CUBN: variants seen among roughly 807,000 people sequenced by gnomAD.
CUBN encodes the protein cubilin.
A neutral mutation model predicts 405.3 loss-of-function variants in CUBN; 282 were observed. That is an observed-to-expected ratio of 0.70 (90% confidence interval 0.63 to 0.77). The LOEUF is 0.77. CUBN is among the 30% of genes least tolerant of loss of function. The pLI is 0.00. For missense variants in CUBN, 4,514 were observed against 4,475.2 expected (o/e 1.01, Z -0.25); for synonymous variants, 1,684 against 1,617.0 (o/e 1.04, Z -0.99).
intron 60 of CUBN, 149 bp from the exon 61 acceptor site, chr10:16,841,196 A>G (rs1478097712): frequency 1.5e-6 from 1 of 685,600 alleles, no homozygotes; most frequent in Non-Finnish European, 2.5e-6. Context: ...ACAGAATTAT[A>G]ATTGGATTGA....
intron 27 of CUBN, among the ~76,000 whole-genome samples, chr10:17,039,111 G>C (rs1169666403): frequency 1.3e-5 from 2 of 152,064 alleles, no homozygotes; most frequent in African/African-American, 4.8e-5. Flanking sequence ...CTCCTTTAAA[G>C]CCCAATTCAA....
chr10:17,014,110 G>A (rs1038436970), intron 28 of CUBN, among the ~76,000 whole-genome samples: 2 of 152,114 alleles, frequency 1.3e-5, no homozygotes, highest in Non-Finnish European at 2.9e-5. Flanking sequence ...CACCTAGTAT[G>A]CCATTTACAT....
chr10:16,954,639 G>T, intron 31 of CUBN, 91 bp from the exon 32 acceptor site: 1 of 1,350,376 alleles, frequency 7.4e-7, no homozygotes. Context: ...ATATACTAGT[G>T]GATAATCACA....
chr10:16,940,441 A>G (rs1185975294), intron 36 of CUBN, among the ~76,000 whole-genome samples: 1 of 152,222 alleles, frequency 6.6e-6, no homozygotes, highest in Non-Finnish European at 1.5e-5. Context: ...CGACGAATAC[A>G]CTTCCATCAA....
Position 16,904,126 on chromosome 10 carries a change from T to A in CUBN, c.7913-11A>T, listed in dbSNP as rs7088988. On this transcript the variant is annotated splice_polypyrimidine_tract_variant and intron_variant, in intron 50 of 66. Coordinates refer to ENST00000377833, the MANE Select transcript of CUBN (RefSeq NM_001081.4). ...GCCCATCAGCATCACCTGAACAAAA[T>A]AATATACCAAGTGCCATCATTGATA... 2.5e-6 allele frequency: 4 copies of A among 1,613,184 alleles called. No homozygotes were observed. The East Asian group carries it at 8.9e-5, about 36-fold the overall frequency.
chr10:17,025,202 TCTA>T (rs1261127829), intron 27 of CUBN, among the ~76,000 whole-genome samples: 2 of 152,154 alleles, frequency 1.3e-5, no homozygotes, highest in Non-Finnish European at 2.9e-5. Flanking sequence ...GAATAAAAAT[TCTA>T]CTCAATGAAA....
At chr10:17,029,837 A>G (rs943833079) in intron 27 of CUBN, among the ~76,000 whole-genome samples, 1 of 152,234 alleles carries the variant, frequency 6.6e-6, no homozygotes, top group African/African-American at 2.4e-5. Flanking sequence ...CTACAATCCC[A>G]GTGGCTTTTG....
intron 65 of CUBN, among the ~76,000 whole-genome samples, 178 bp downstream of exon 65, chr10:16,831,074 G>A (rs1324377668): frequency 6.6e-6 from 1 of 151,150 alleles, no homozygotes; most frequent in African/African-American, 2.4e-5. Context: ...ATGACACAGC[G>A]AGATTCCATT....
At chr10:16,993,681 T>C (rs943899583) in intron 28 of CUBN, among the ~76,000 whole-genome samples, 4 of 151,656 alleles carry the variant, frequency 2.6e-5, no homozygotes, top group African/African-American at 7.3e-5. Flanking sequence ...TTTTTTTTTT[T>C]AGTAGAGATG....
At chr10:16,934,237 A>C (rs1842437109) in intron 39 of CUBN, among the ~76,000 whole-genome samples, 1 of 152,218 alleles carries the variant, frequency 6.6e-6, no homozygotes, top group Admixed American at 6.5e-5. Flanking sequence ...GCAGATTGCT[A>C]TAAGGCTTTG....
chr10:17,034,123 G>A (rs904355847), intron 27 of CUBN, among the ~76,000 whole-genome samples: 6 of 152,172 alleles, frequency 3.9e-5, no homozygotes, highest in Non-Finnish European at 7.3e-5. Flanking sequence ...GGAGGGAAAT[G>A]CCTTTGACTG....
intron 17 of CUBN, among the ~76,000 whole-genome samples, chr10:17,082,069 C>T (rs1351846098): frequency 6.6e-6 from 1 of 152,180 alleles, no homozygotes; most frequent in African/African-American, 2.4e-5. Flanking sequence ...GTGACAGCCA[C>T]ATCGGCTGTC....
At chr10:16,928,664 GT>G (rs1842279980) in intron 40 of CUBN, among the ~76,000 whole-genome samples, 1 of 151,792 alleles carries the variant, frequency 6.6e-6, no homozygotes, top group African/African-American at 2.4e-5. Flanking sequence ...TGAGTAGCTG[GT>G]TTTATAGGGG....
chr10:16,997,098 G>A (rs1407165077), intron 28 of CUBN, among the ~76,000 whole-genome samples: 3 of 152,184 alleles, frequency 2.0e-5, no homozygotes, highest in Non-Finnish European at 4.4e-5. Flanking sequence ...AAGACCTTGA[G>A]ATGTGCTTCA....
chr10:16,966,114 C>T (rs1252988745), intron 31 of CUBN: 1 of 401,330 alleles, frequency 2.5e-6, no homozygotes. Context: ...TGGGAGTCCC[C>T]CATCCTTTGC....
At position 17,114,055 on chromosome 10, in the gene CUBN, G is replaced by C. The variant is rs1488074698; in HGVS notation, c.855C>G (p.Gly285=). 7 of 1,613,062 alleles carry C rather than the reference G, an allele frequency of 4.3e-6. No homozygotes were observed. The highest frequency in any genetic ancestry group is 5.1e-6 in the Non-Finnish European group (6 of 1,179,594). The change falls in exon 8 of 67, where the codon GGC becomes GGG. Residue 285 remains glycine, a synonymous_variant. Coordinates refer to ENST00000377833, the MANE Select transcript of CUBN (RefSeq NM_001081.4). The part of the protein sequence containing the change: ...STLVQCFNTQ[G]SFYCGACPTG... The stretch of plus-strand genomic sequence containing the variant: ...TTGGACAGGCCCCACAGTAGAAAGA[G>C]CCTTGAGTGTTGAAACACTGCACAA...
chr10:17,052,325 T>C (rs1564495633), intron 22 of CUBN, among the ~76,000 whole-genome samples: 1 of 152,012 alleles, frequency 6.6e-6, no homozygotes, highest in Non-Finnish European at 1.5e-5. Flanking sequence ...AAACAGAAAA[T>C]ATCTCCAAGA....
Position 16,931,218 on chromosome 10 carries a change from A to G in CUBN, c.6124+1869T>C, listed in dbSNP as rs543857419. ...GGCAGAGTTTGCAGTGAGCCAAGAT[A>G]GCGCCACTGCAGTCCGGCCTGGACA... On this transcript the variant is annotated intron_variant, in intron 40 of 66. Coordinates refer to ENST00000377833, the MANE Select transcript of CUBN (RefSeq NM_001081.4). Among the ~76,000 whole-genome samples the G allele has an allele frequency of 2.6e-4, 39 of 151,936 alleles. 1 individual carries two copies. The South Asian group carries it at 7.7e-3, about 30-fold the overall frequency.
In CUBN at chr10:16,901,409, A is replaced by G; in HGVS notation, c.8113T>C (p.Tyr2705His). The G allele has an allele frequency of 6.2e-7, 1 of 1,614,160 alleles. No individual in the cohort carries two copies. The highest frequency in any genetic ancestry group is 8.5e-7 in the Non-Finnish European group (1 of 1,179,978). Residue 2705 changes from tyrosine to histidine, a missense_variant, in exon 52 of 67, where the codon TAT becomes CAT. Tyr to His is a moderately conservative substitution (Grantham distance 83). Transcript: ENST00000377833. ...GDSGVITSPN[Y>H]PNAYDSLTHC... The stretch of plus-strand genomic sequence containing the variant: ...GTCAGGCTGTCATAAGCATTTGGAT[A>G]GTTGGGGCTTGTGATCACTCCACTG...
Sources: allele counts gnomAD v4.1 joint callset (sites outside exome capture counted in the v4.1 genomes callset), GRCh38; gene constraint gnomAD v4.1.1; transcripts MANE v1.5; gene names NCBI Gene and HGNC (gene_info 2026-07-23, HGNC 2026-07-21).